The following ST6GALNAC3 variants were observed in gnomAD, a reference collection of about 807,000 sequenced individuals.
ST6GALNAC3 encodes ST6 N-acetylgalactosaminide alpha-2,6-sialyltransferase 3, also known as alpha-N-acetylgalactosaminide alpha-2,6-sialyltransferase 3.
In ST6GALNAC3, 25 loss-of-function variants were observed where a neutral mutation model predicts 32.7. The ratio of observed to expected loss-of-function variants is 0.76; its 90% CI spans 0.56 to 1.07. ST6GALNAC3 has a LOEUF of 1.07. ST6GALNAC3 is among the 50% of genes least tolerant of loss of function. The pLI, the probability that ST6GALNAC3 is intolerant of heterozygous loss-of-function variation, is 0.00. For missense variants in ST6GALNAC3, 355 were observed against 382.4 expected (o/e 0.93, Z 0.60); for synonymous variants, 129 against 133.1 (o/e 0.97, Z 0.21).
intron 3 of ST6GALNAC3, among the ~76,000 whole-genome samples, chr1:76,448,094 G>A (rs145602671): frequency 4.0e-4 from 61 of 152,248 alleles, no homozygotes; most frequent in East Asian, 3.9e-4. Flanking sequence ...GCTATACCCC[G>A]CAAAGTCACA....
chr1:76,185,639 G>GA (rs1484545718), intron 1 of ST6GALNAC3, among the ~76,000 whole-genome samples: 1 of 152,142 alleles, frequency 6.6e-6, no homozygotes, highest in African/African-American at 2.4e-5. Context: ...TCATTCTGCA[G>GA]AAACTTTATG....
At chr1:76,234,405 T>C (rs2100646950) in intron 1 of ST6GALNAC3, among the ~76,000 whole-genome samples, 1 of 152,344 alleles carries the variant, frequency 6.6e-6, no homozygotes, top group South Asian at 2.1e-4. Context: ...TTCAGAGACA[T>C]TTCTCAAAGG....
rs111893748 is a variant in ST6GALNAC3 at position 76,108,049 on chromosome 1, G to A, written c.18+33165G>A. ...TGAAAATGATGAAGAGTAAAGTAATGTTTGCTGTAAGAGGTGGGAGGCAGG... is the reference window on the plus strand; with the variant it reads ...TGAAAATGATGAAGAGTAAAGTAATATTTGCTGTAAGAGGTGGGAGGCAGG... On this transcript the variant is annotated intron_variant, in intron 1 of 4. Transcript: ENST00000328299. 1.3e-3 allele frequency among the ~76,000 whole-genome samples: 195 copies of A among 152,308 alleles called. 2 individuals carry two copies. In the South Asian group the frequency reaches 0.023, roughly 18 times the overall value.
intron 3 of ST6GALNAC3, among the ~76,000 whole-genome samples, chr1:76,453,377 G>C (rs1339324517): frequency 2.0e-5 from 3 of 151,890 alleles, no homozygotes; most frequent in African/African-American, 7.3e-5. Flanking sequence ...TATATTGTCT[G>C]TTTGTGCTCT....
intron 3 of ST6GALNAC3, among the ~76,000 whole-genome samples, chr1:76,492,549 C>T (rs1375866062): frequency 1.3e-5 from 2 of 152,110 alleles, no homozygotes; most frequent in African/African-American, 2.4e-5. Context: ...ATGAACCCCA[C>T]CTGTGCCATA....
At chr1:76,295,566 A>T (rs1457084638) in intron 1 of ST6GALNAC3, among the ~76,000 whole-genome samples, 1 of 152,084 alleles carries the variant, frequency 6.6e-6, no homozygotes, top group Non-Finnish European at 1.5e-5. Flanking sequence ...TATGTAGGGG[A>T]TAGAAAATCT....
chr1:76,188,443 C>T (rs1653703684), intron 1 of ST6GALNAC3, among the ~76,000 whole-genome samples: 1 of 152,046 alleles, frequency 6.6e-6, no homozygotes, highest in Non-Finnish European at 1.5e-5. Context: ...GGAAATTAGC[C>T]CATGTACTAT....
Position 76,097,927 on chromosome 1 carries a change from A to AT in ST6GALNAC3, c.18+23054dup, listed in dbSNP as rs774827483. Among the ~76,000 whole-genome samples, 487 of 147,514 alleles carry AT rather than the reference A, an allele frequency of 3.3e-3. 1 individual carries two copies. The highest frequency in any genetic ancestry group is 0.024 in the Middle Eastern group (7 of 286). ...CTTAGTAGTATAAAAAGGTTTTGTT[A>AT]TTTTTTTTTTTAACAAAAAGCAAAA... On this transcript the variant is annotated intron_variant, in intron 1 of 4. Transcript: ENST00000328299.
intron 3 of ST6GALNAC3, among the ~76,000 whole-genome samples, chr1:76,481,784 A>T (rs76692899): frequency 0.05 from 7,644 of 152,252 alleles, 251 homozygotes; most frequent in African/African-American, 0.084. Context: ...TGCATTAGGC[A>T]TGCTTATTTT....
intron 3 of ST6GALNAC3, among the ~76,000 whole-genome samples, chr1:76,557,789 A>G (rs1665015180): frequency 6.6e-6 from 1 of 152,120 alleles, no homozygotes; most frequent in African/African-American, 2.4e-5. Context: ...TAGGGATGCA[A>G]TGTAACATTT....
chr1:76,171,480 A>G (rs1652490777), intron 1 of ST6GALNAC3, among the ~76,000 whole-genome samples: 1 of 152,004 alleles, frequency 6.6e-6, no homozygotes, highest in Non-Finnish European at 1.5e-5. Context: ...TCCTCCAAAA[A>G]AATCAATGAA....
intron 3 of ST6GALNAC3, among the ~76,000 whole-genome samples, chr1:76,579,008 A>G (rs1368561101): frequency 6.6e-6 from 1 of 152,056 alleles, no homozygotes. Context: ...GCTTACGTAT[A>G]TTCATATGAT....
At chr1:76,592,790 G>A (rs1433118411) in intron 3 of ST6GALNAC3, among the ~76,000 whole-genome samples, 1 of 152,108 alleles carries the variant, frequency 6.6e-6, no homozygotes, top group Non-Finnish European at 1.5e-5. Flanking sequence ...TTCAGGACAA[G>A]AAAACCAGAA....
chr1:76,426,958 T>C (rs1483680669), intron 3 of ST6GALNAC3, among the ~76,000 whole-genome samples: 2 of 151,996 alleles, frequency 1.3e-5, no homozygotes, highest in Non-Finnish European at 2.9e-5. Context: ...CAGGGGAACA[T>C]TGAGGTGATA....
At chr1:76,572,538 C>A (rs1423167351) in intron 3 of ST6GALNAC3, among the ~76,000 whole-genome samples, 1 of 152,096 alleles carries the variant, frequency 6.6e-6, no homozygotes, top group Non-Finnish European at 1.5e-5. Flanking sequence ...TGCTTCCTTC[C>A]CCCACCAGTT....
chr1:76,321,073 C>T (rs1228139300), intron 2 of ST6GALNAC3, among the ~76,000 whole-genome samples: 2 of 151,892 alleles, frequency 1.3e-5, no homozygotes, highest in African/African-American at 4.8e-5. Flanking sequence ...GAGAAGGTGG[C>T]CCTTCCTTTT....
chr1:76,091,173 GA>G, intron 1 of ST6GALNAC3, among the ~76,000 whole-genome samples: 1 of 152,352 alleles, frequency 6.6e-6, no homozygotes, highest in Middle Eastern at 3.4e-3. Flanking sequence ...ATGCTTCAGT[GA>G]GAATGTGTCA....
intron 1 of ST6GALNAC3, among the ~76,000 whole-genome samples, chr1:76,138,632 C>T (rs1570143758): frequency 6.6e-6 from 1 of 152,286 alleles, no homozygotes; most frequent in Non-Finnish European, 1.5e-5. Flanking sequence ...CCCTGATTAA[C>T]AAGTATTTGT....
At chr1:76,393,708 C>T (rs1306087524) in intron 2 of ST6GALNAC3, among the ~76,000 whole-genome samples, 1 of 152,050 alleles carries the variant, frequency 6.6e-6, no homozygotes, top group East Asian at 1.9e-4. Context: ...AATAGAAAGG[C>T]CTTATTTCTC....
Sources: allele counts gnomAD v4.1 joint callset (sites outside exome capture counted in the v4.1 genomes callset), GRCh38; gene constraint gnomAD v4.1.1; transcripts MANE v1.5; gene names NCBI Gene and HGNC (gene_info 2026-07-23, HGNC 2026-07-21).